The following GZF1 variants were observed in gnomAD, a reference collection of about 807,000 sequenced individuals.
The protein encoded by GZF1 is GDNF-inducible zinc finger protein 1.
In GZF1, 28 loss-of-function variants were observed where a neutral mutation model predicts 49.4. The ratio of observed to expected loss-of-function variants is 0.57; its 90% confidence interval spans 0.42 to 0.78. The LOEUF (loss-of-function observed/expected upper bound fraction) is 0.78, where lower values mean the gene tolerates loss of function less well. Ranked by LOEUF, GZF1 falls within the 30% of genes least tolerant of loss-of-function variation. The probability of loss-of-function intolerance (pLI) is 0.00; values close to 1 mark genes in which losing one functional copy is unlikely to be tolerated. For missense variants in GZF1, 798 were observed against 916.2 expected, an observed-to-expected ratio of 0.87 and a Z score of 1.67; for synonymous variants, 364 against 356.0, an observed-to-expected ratio of 1.02 and a Z score of -0.25.
At chr20:23,367,173 G>C in intron 3 of GZF1, 76 bp downstream of exon 3, 1 of 1,073,352 alleles carries the variant, frequency 9.3e-7, no homozygotes, top group South Asian at 1.3e-5. Context: ...TTTTGAAGTT[G>C]GCATCTACCA....
At position 23,364,909 on chromosome 20, in the gene GZF1, G is replaced by C. The variant is rs774906859; in HGVS notation, c.526G>C (p.Gly176Arg). The C allele has an allele frequency of 3.1e-6, 5 of 1,614,216 alleles. No homozygotes were observed. The highest frequency in any genetic ancestry group is 4.2e-6 in the Non-Finnish European group (5 of 1,180,044). ...GGCCACCGATGGCCCTCACCCCAGT[G>C]GTCTCACGGATTCCTTGGACTACCC... ...SVATDGPHPS[G>R]LTDSLDYPGE... The change falls in exon 2 of 6, where the codon GGT becomes CGT. Residue 176 changes from glycine to arginine, a missense_variant. By Grantham distance (125) the Gly-to-Arg change is moderately radical. Transcript: ENST00000338121.
chr20:23,361,156 C>T (rs1980617256), upstream of GZF1, among the ~76,000 whole-genome samples: 1 of 152,150 alleles, frequency 6.6e-6, no homozygotes, highest in African/African-American at 2.4e-5. Flanking sequence ...TGTATTTGTC[C>T]TGACAGTCCC....
chr20:23,362,062 T>C (rs1222834523), upstream of GZF1: 2 of 152,158 alleles, frequency 1.3e-5, no homozygotes, highest in Non-Finnish European at 2.9e-5. Context: ...GCCCGACGTG[T>C]GGCTCAGCCC....
Position 23,371,739 on chromosome 20 carries a change from G to T in GZF1, c.*1298G>T, listed in dbSNP as rs1982097278. ...ATTAATTTAAAAAGGGAACCTTGGAGAATTCTTTTGTTCACTAGTTCCTTT... is the reference window on the plus strand; with the variant it reads ...ATTAATTTAAAAAGGGAACCTTGGATAATTCTTTTGTTCACTAGTTCCTTT... On this transcript the variant is annotated 3_prime_UTR_variant, in exon 6 of 6. Transcript: ENST00000338121. The T allele has an allele frequency of 6.6e-6, 1 of 152,266 alleles. No homozygotes were observed. The highest frequency in any genetic ancestry group is 1.5e-5 in the Non-Finnish European group (1 of 68,034). 9.4% of individuals were successfully genotyped at this position (152,266 alleles called of 1,614,324 possible).
In GZF1 at chr20:23,365,131, ACTG is replaced by A. The variant is rs1224977363; in HGVS notation, c.752_754del (p.Ala251del). Reference sequence around the variant, plus strand: ...GAGAAGACTCCGAGAGCAGCAGAAAACTGCTGAGGGTGATGTGGGGGACTACAG... The same window carrying A: ...GAGAAGACTCCGAGAGCAGCAGAAAACTGAGGGTGATGTGGGGGACTACAG... On this transcript the variant is annotated inframe_deletion, in exon 2 of 6. Transcript: ENST00000338121. 6.2e-7 allele frequency: 1 copy of A among 1,613,846 alleles called. No homozygotes were observed. The highest frequency in any genetic ancestry group is 8.5e-7 in the Non-Finnish European group (1 of 1,180,036).
At position 23,365,764 on chromosome 20, in the gene GZF1, C is replaced by T. The variant is rs774211210; in HGVS notation, c.1364+17C>T. 7 of 1,501,278 alleles carry T rather than the reference C, an allele frequency of 4.7e-6. No individual in the cohort carries two copies. The highest frequency in any genetic ancestry group is 6.2e-6 in the Non-Finnish European group (7 of 1,131,220). 93.0% of individuals were successfully genotyped at this position (1,501,278 alleles called of 1,614,324 possible). On this transcript the variant is annotated intron_variant, in intron 2 of 5. Transcript: ENST00000338121. Reference sequence around the variant, plus strand: ...GCACATGAGGTACGCGGGGAGCCGTCCGGAGGGGTCCCTGCGCACTGGAAG... The same window carrying T: ...GCACATGAGGTACGCGGGGAGCCGTTCGGAGGGGTCCCTGCGCACTGGAAG...
intron 1 of GZF1, 33 bp downstream of exon 1, chr20:23,362,270 C>T (rs577759516): frequency 6.6e-6 from 1 of 152,248 alleles, no homozygotes; most frequent in African/African-American, 2.4e-5. Context: ...TGGCTCCGGC[C>T]CCTCGCCGCC....
Position 23,365,416 on chromosome 20 carries a change from G to C in GZF1, c.1033G>C (p.Glu345Gln), listed in dbSNP as rs202105155. ...CAAGCACCGCCACGGCGTGGCCACC[G>C]AGGTGGTGTACCGCTGCGACACCTG... ...HSKHRHGVATEVVYRCDTCGQ... is the reference protein window; with the variant it reads ...HSKHRHGVATQVVYRCDTCGQ... The change falls in exon 2 of 6, where the codon GAG (glutamate) becomes CAG (glutamine). Residue 345 changes from glutamate to glutamine, a missense_variant. By Grantham distance (29) the Glu-to-Gln change is conservative. Transcript: ENST00000338121. 1 of 1,613,832 alleles carries C rather than the reference G, an allele frequency of 6.2e-7. No homozygotes were observed. The highest frequency in any genetic ancestry group is 8.5e-7 in the Non-Finnish European group (1 of 1,180,040).
Position 23,370,175 on chromosome 20 carries a change from C to A in GZF1, c.1870C>A (p.Gln624Lys). Residue 624 changes from glutamine (Q) to lysine (K), a missense_variant, in exon 6 of 6, where the codon CAG (glutamine) becomes AAG (lysine). Around this residue, in one of 3 missense-constraint regions of GZF1, gnomAD observed 446 missense variants for 540.1 expected, o/e 0.83. Transcript: ENST00000338121. ...GAACGATGACGGACACAAGACTGAA[C>A]AGCCTGACGAAGAGTATGTGTCATC... ...PKNDDGHKTEQPDEEYVSSKL... is the reference protein window; with the variant it reads ...PKNDDGHKTEKPDEEYVSSKL... 6.2e-7 allele frequency: 1 copy of A among 1,614,206 alleles called. No individual in the cohort carries two copies. The highest frequency in any genetic ancestry group is 1.3e-5 in the African/African-American group (1 of 75,052).
chr20:23,370,291 G>T lies in GZF1; in HGVS notation c.1986G>T (p.Glu662Asp). The change falls in exon 6 of 6, where the codon GAG becomes GAT. Residue 662 changes from glutamate (E) to aspartate (D), a missense_variant. Glu to Asp is a conservative substitution (Grantham distance 45, BLOSUM62 2). This residue lies in a region of GZF1 where 446 missense variants were observed against 540.1 expected (regional missense o/e 0.83). Transcript: ENST00000338121. The stretch of plus-strand genomic sequence containing the variant: ...AAGACACTGTACCTACCATGCAGGA[G>T]AACAGTTCTGCTGACACAGCCTGCA... ...AVQDTVPTMQ[E>D]NSSADTACKA... is the part of the protein sequence containing the mutation. 1 of 1,614,168 alleles carries T rather than the reference G, an allele frequency of 6.2e-7. No individual in the cohort carries two copies. The highest frequency in any genetic ancestry group is 8.5e-7 in the Non-Finnish European group (1 of 1,180,000).
chr20:23,367,175 C>A, intron 3 of GZF1, 78 bp downstream of exon 3: 1 of 1,056,998 alleles, frequency 9.5e-7, no homozygotes, highest in Non-Finnish European at 1.4e-6. Context: ...TTGAAGTTGG[C>A]ATCTACCAAG....
intron 3 of GZF1, among the ~76,000 whole-genome samples, chr20:23,367,636 T>C (rs1981551843): frequency 6.6e-6 from 1 of 152,246 alleles, no homozygotes; most frequent in African/African-American, 2.4e-5. Flanking sequence ...TTAACCTCAA[T>C]TGTATTGAAA....
chr20:23,368,286 CAA>C (rs1284549749), intron 3 of GZF1, among the ~76,000 whole-genome samples: 1 of 152,144 alleles, frequency 6.6e-6, no homozygotes, highest in South Asian at 2.1e-4. Context: ...GATTAAACTA[CAA>C]AAAGTGAGAT....
Position 23,364,932 on chromosome 20 carries a change from C to T in GZF1, c.549C>T (p.Tyr183=), listed in dbSNP as rs1047740895. 4 of 1,614,210 alleles carry T rather than the reference C, an allele frequency of 2.5e-6. No homozygotes were observed. Among genetic ancestry groups the T allele is most frequent in the Non-Finnish European group, 1.7e-6 (2 of 1,180,048 alleles). Residue 183 remains tyrosine (Y), a synonymous_variant, in exon 2 of 6, where the codon TAC becomes TAT. Transcript: ENST00000338121. ...GTGGTCTCACGGATTCCTTGGACTA[C>T]CCAGGAGAGAGAGCCAGCAATGGCA... ...HPSGLTDSLD[Y]PGERASNGMS...
chr20:23,371,268 A>G lies in GZF1; in HGVS notation c.*827A>G, dbSNP rs571171781. The G allele has an allele frequency of 2.0e-5, 3 of 152,782 alleles. No homozygotes were observed. In the South Asian group the frequency reaches 6.2e-4, roughly 32 times the overall value. 9.5% of individuals were successfully genotyped at this position (152,782 alleles called of 1,614,324 possible). A position where few individuals can be genotyped will look rare whatever the true frequency, so the allele number is the denominator to read the frequency against. ...AAATTAAGACGCTTTAGAGTACTTG[A>G]AAGTTGTGTAGTCATTTTATTTGCA... On this transcript the variant is annotated 3_prime_UTR_variant, in exon 6 of 6. Transcript: ENST00000338121.
At chr20:23,361,777 G>A (rs1027081991), upstream of GZF1, among the ~76,000 whole-genome samples, 2 of 152,218 alleles carry the variant, frequency 1.3e-5, no homozygotes, top group Non-Finnish European at 2.9e-5. Context: ...GCCAGCTGCA[G>A]GCCCTGACCG....
chr20:23,364,669 A>G lies in GZF1; in HGVS notation c.286A>G (p.Thr96Ala). Residue 96 changes from threonine to alanine, a missense_variant, in exon 2 of 6, where the codon ACT (threonine) becomes GCT (alanine). By Grantham distance (58) the Thr-to-Ala change is moderately conservative (BLOSUM62 0). This residue lies in a region of GZF1 where 105 missense variants were observed against 147.5 expected (regional missense o/e 0.71). Coordinates refer to ENST00000338121, the MANE Select transcript of GZF1 (RefSeq NM_022482.5). ...DFASFLEFVY[T>A]AKVQVEEDRV... ...TGCTTCATTTCTTGAGTTTGTCTAC[A>G]CTGCAAAGGTACAGGTGGAAGAAGA... The G allele has an allele frequency of 6.2e-7, 1 of 1,614,278 alleles. No individual in the cohort carries two copies. Among genetic ancestry groups the G allele is most frequent in the South Asian group, 1.1e-5 (1 of 91,090 alleles).
upstream of GZF1, among the ~76,000 whole-genome samples, chr20:23,361,227 A>C (rs1000980436): frequency 1.3e-5 from 2 of 152,236 alleles, no homozygotes; most frequent in Admixed American, 1.3e-4. Context: ...GGCCACAGTA[A>C]GGGACAGCAT....
chr20:23,370,637 G>C lies in GZF1; in HGVS notation c.*196G>C. On this transcript the variant is annotated 3_prime_UTR_variant, in exon 6 of 6. Transcript: ENST00000338121. ...AGCTTTCCCTCAAAAATCCTGATCT[G>C]CATGATCTCAGCTACTTTATTGACA... 1.7e-6 allele frequency: 1 copy of C among 580,746 alleles called. No homozygotes were observed. Among genetic ancestry groups the C allele is most frequent in the Non-Finnish European group, 3.0e-6 (1 of 328,916 alleles). The allele number at this position is 580,746 out of a possible 1,614,324, so 36.0% of individuals were successfully genotyped here. A position where few individuals can be genotyped will look rare whatever the true frequency, so the allele number is the denominator to read the frequency against.
Sources: allele counts gnomAD v4.1 joint callset (sites outside exome capture counted in the v4.1 genomes callset), GRCh38; gene constraint gnomAD v4.1.1; regional missense constraint gnomAD v4.1.1; transcripts MANE v1.5; gene names NCBI Gene and HGNC (gene_info 2026-07-23, HGNC 2026-07-21).